Variants in XIRP2 observed in about 807,000 individuals in gnomAD.
The protein encoded by XIRP2 is xin actin binding repeat containing 2.
XIRP2 carries 236 observed loss-of-function variants against 277.0 expected under a neutral mutation model. The ratio of observed to expected loss-of-function variants is 0.85; its 90% CI spans 0.77 to 0.95. The LOEUF (loss-of-function observed/expected upper bound fraction) is 0.95. Among genes scored for constraint, XIRP2 ranks in the 40% least tolerant of loss-of-function variants. XIRP2 has a pLI of 0.00. For missense variants in XIRP2, 4,640 were observed against 4,157.5 expected (o/e 1.12, Z -3.19); for synonymous variants, 1,490 against 1,416.5 (o/e 1.05, Z -1.17).
At chr2:167,208,154 C>G (rs1485311810) in intron 3 of XIRP2, among the ~76,000 whole-genome samples, 1 of 152,152 alleles carries the variant, frequency 6.6e-6, no homozygotes, top group Non-Finnish European at 1.5e-5. Context: ...AAACTTGCAA[C>G]AAAATGATTT....
rs1328024909 is a variant in XIRP2 at position 166,903,580 on chromosome 2, G to C, written c.98G>C (p.Cys33Ser). ...GAGTGTCATCCCAGGGACAGCCATT[G>C]TACAATTTTCCAGCCTCAGGAAAGC... ...RSECHPRDSH[C>S]TIFQPQESKL... The change falls in exon 2 of 11, where the codon TGT becomes TCT. Residue 33 changes from cysteine (C) to serine (S), a missense_variant. Coordinates refer to ENST00000409195, the MANE Select transcript of XIRP2 (RefSeq NM_152381.6). The C allele has an allele frequency of 6.2e-7, 1 of 1,613,602 alleles. No homozygotes were observed. Among genetic ancestry groups the C allele is most frequent in the Admixed American group, 1.7e-5 (1 of 59,896 alleles).
In XIRP2 at chr2:167,078,544, C is replaced by T. The variant is rs1896957; in HGVS notation, c.409-57365C>T. Among the ~76,000 whole-genome samples, 1,333 of 151,480 alleles carry T rather than the reference C, an allele frequency of 8.8e-3. 8 individuals are homozygous for T. The highest frequency in any genetic ancestry group is 0.041 in the Middle Eastern group (12 of 294). ...AAGTAATTGCGGTTTTTGCCTTTAA[C>T]GGCAAAAACTGGCCGGGAGTGGTGG... On this transcript the variant is annotated intron_variant, in intron 2 of 10. Transcript: ENST00000409195.
At chr2:167,240,784 G>C in intron 7 of XIRP2, 48 bp downstream of exon 7, 1 of 1,544,650 alleles carries the variant, frequency 6.5e-7, no homozygotes, top group Non-Finnish European at 9.0e-7. Flanking sequence ...TCCTATTGAT[G>C]TGTTTGATTT....
chr2:167,070,283 G>A (rs1192242805), intron 2 of XIRP2, among the ~76,000 whole-genome samples: 1 of 152,004 alleles, frequency 6.6e-6, no homozygotes, highest in Non-Finnish European at 1.5e-5. Context: ...ATAAATATTT[G>A]ATCTTCATTC....
intron 3 of XIRP2, among the ~76,000 whole-genome samples, chr2:167,156,367 A>G (rs1189040597): frequency 6.6e-6 from 1 of 152,212 alleles, no homozygotes; most frequent in African/African-American, 2.4e-5. Context: ...GCAATACTGC[A>G]TGAAAATAAC....
chr2:167,216,170 A>AT (rs1694242744), intron 4 of XIRP2, among the ~76,000 whole-genome samples: 1 of 100,064 alleles, frequency 1.0e-5, no homozygotes, highest in Non-Finnish European at 2.0e-5. Context: ...ACCTAAAACC[A>AT]TAAAAACCCT....
intron 1 of XIRP2, among the ~76,000 whole-genome samples, chr2:166,889,199 A>G: frequency 6.6e-6 from 1 of 152,206 alleles, no homozygotes; most frequent in Non-Finnish European, 1.5e-5. Flanking sequence ...CCCACTTCTT[A>G]GGCACTCCAA....
intron 5 of XIRP2, among the ~76,000 whole-genome samples, chr2:167,233,496 C>T (rs1694815383): frequency 6.6e-6 from 1 of 151,698 alleles, no homozygotes; most frequent in Non-Finnish European, 1.5e-5. Context: ...TATATGAGGA[C>T]TTAAATGGGC....
chr2:167,039,200 T>TA (rs1412923649), intron 2 of XIRP2, among the ~76,000 whole-genome samples: 1 of 152,154 alleles, frequency 6.6e-6, no homozygotes, highest in African/African-American at 2.4e-5. Context: ...ACAATGAGTT[T>TA]AACTGTAGCA....
intron 3 of XIRP2, among the ~76,000 whole-genome samples, chr2:167,162,149 T>C (rs1692389271): frequency 6.6e-6 from 1 of 152,202 alleles, no homozygotes; most frequent in Non-Finnish European, 1.5e-5. Flanking sequence ...GTCAAAGCCA[T>C]TCAACAAGTC....
chr2:167,064,281 G>A (rs1211533639), intron 2 of XIRP2, among the ~76,000 whole-genome samples: 1 of 151,562 alleles, frequency 6.6e-6, no homozygotes, highest in Non-Finnish European at 1.5e-5. Flanking sequence ...TTGTTTAATT[G>A]TATAGTGGTT....
At chr2:167,130,334 G>A (rs560191309) in intron 2 of XIRP2, among the ~76,000 whole-genome samples, 82 of 152,122 alleles carry the variant, frequency 5.4e-4, no homozygotes, top group African/African-American at 1.2e-3. Context: ...GGTTTCCCTC[G>A]TTTACAAGGA....
chr2:167,221,235 G>A (rs1159024451), intron 5 of XIRP2, among the ~76,000 whole-genome samples: 2 of 152,066 alleles, frequency 1.3e-5, no homozygotes, highest in Admixed American at 6.5e-5. Context: ...CAGTTTGGGA[G>A]GCCGAGGTGG....
At chr2:167,041,384 G>T (rs558450702) in intron 2 of XIRP2, among the ~76,000 whole-genome samples, 33 of 152,276 alleles carry the variant, frequency 2.2e-4, no homozygotes, top group Admixed American at 1.9e-3. Flanking sequence ...AGCTCATCAA[G>T]ATTCAGGAGA....
intron 2 of XIRP2, among the ~76,000 whole-genome samples, chr2:166,943,118 A>G (rs189929686): frequency 2.6e-5 from 4 of 152,242 alleles, no homozygotes; most frequent in African/African-American, 9.6e-5. Flanking sequence ...TTCTTTTGTT[A>G]TTCACAATAA....
chr2:167,026,115 C>A (rs534272378), intron 2 of XIRP2, among the ~76,000 whole-genome samples: 1 of 152,200 alleles, frequency 6.6e-6, no homozygotes, highest in Admixed American at 6.5e-5. Flanking sequence ...TCACTCAGGA[C>A]TTGCTTTATG....
At chr2:167,105,328 T>G (rs1270002135) in intron 2 of XIRP2, among the ~76,000 whole-genome samples, 1 of 151,966 alleles carries the variant, frequency 6.6e-6, no homozygotes. Context: ...ACCACCACCT[T>G]TTTTACCTTG....
intron 2 of XIRP2, among the ~76,000 whole-genome samples, chr2:166,912,576 G>A (rs959914355): frequency 2.6e-5 from 4 of 152,118 alleles, no homozygotes; most frequent in Admixed American, 1.3e-4. Flanking sequence ...GCTTGGAGAA[G>A]TTTGATCGTC....
At chr2:167,178,646 A>C (rs1054408141) in intron 3 of XIRP2, among the ~76,000 whole-genome samples, 1 of 151,626 alleles carries the variant, frequency 6.6e-6, no homozygotes, top group African/African-American at 2.4e-5. Context: ...TAAGTTTTTT[A>C]CTTCACTTTT....
Sources: allele counts gnomAD v4.1 joint callset (sites outside exome capture counted in the v4.1 genomes callset), GRCh38; gene constraint gnomAD v4.1.1; transcripts MANE v1.5; gene names NCBI Gene and HGNC (gene_info 2026-07-23, HGNC 2026-07-21).